Variants in CAMK1D observed in about 807,000 individuals in gnomAD.
The protein encoded by CAMK1D is calcium/calmodulin-dependent protein kinase type 1D.
In CAMK1D, 9 loss-of-function variants were observed where a neutral mutation model predicts 47.7. The observed-to-expected ratio is 0.19, with a 90% CI of 0.11 to 0.33. CAMK1D has a LOEUF of 0.33. Ranked by LOEUF, CAMK1D falls within the 10% of genes least tolerant of loss-of-function variation. The pLI, the probability that CAMK1D is intolerant of heterozygous loss-of-function variation, is 1.00. For missense variants in CAMK1D, 291 were observed against 488.7 expected (o/e 0.60, Z 3.81); for synonymous variants, 184 against 184.9 (o/e 0.99, Z 0.04).
At chr10:12,649,967 C>T (rs567220694) in intron 2 of CAMK1D, among the ~76,000 whole-genome samples, 3 of 152,298 alleles carry the variant, frequency 2.0e-5, no homozygotes, top group African/African-American at 7.2e-5. Context: ...ACGATTTCAC[C>T]GTGTTCAACT....
At chr10:12,390,896 G>C (rs1331036809) in intron 1 of CAMK1D, among the ~76,000 whole-genome samples, 1 of 151,942 alleles carries the variant, frequency 6.6e-6, no homozygotes, top group Non-Finnish European at 1.5e-5. Context: ...TCAAGCGTGC[G>C]TGAATAAGAG....
intron 1 of CAMK1D, among the ~76,000 whole-genome samples, chr10:12,468,860 G>A (rs1352298909): frequency 6.6e-6 from 1 of 152,120 alleles, no homozygotes; most frequent in East Asian, 1.9e-4. Flanking sequence ...TCCTTTCATG[G>A]GGTTGTTTTT....
chr10:12,728,837 G>T (rs527273625), intron 3 of CAMK1D, among the ~76,000 whole-genome samples: 1 of 152,188 alleles, frequency 6.6e-6, no homozygotes, highest in South Asian at 2.1e-4. Flanking sequence ...GTGTGCGCAC[G>T]CACACGTGCC....
At chr10:12,362,561 C>A (rs2724803) in intron 1 of CAMK1D, among the ~76,000 whole-genome samples, 5 of 152,114 alleles carry the variant, frequency 3.3e-5, no homozygotes, top group African/African-American at 1.2e-4. Context: ...GCAGTGGCGC[C>A]ATCTCAGCTC....
chr10:12,729,283 A>G (rs1187929752), intron 3 of CAMK1D, among the ~76,000 whole-genome samples: 1 of 152,222 alleles, frequency 6.6e-6, no homozygotes, highest in African/African-American at 2.4e-5. Flanking sequence ...TAGTACCAAT[A>G]AACATAATAA....
intron 1 of CAMK1D, among the ~76,000 whole-genome samples, chr10:12,359,319 C>T (rs748303948): frequency 1.3e-5 from 2 of 152,154 alleles, no homozygotes; most frequent in South Asian, 2.1e-4. Context: ...TATCATTTAT[C>T]CCTGCCCCTC....
At chr10:12,550,652 T>C (rs1377048997) in intron 1 of CAMK1D, among the ~76,000 whole-genome samples, 1 of 152,256 alleles carries the variant, frequency 6.6e-6, no homozygotes, top group African/African-American at 2.4e-5. Context: ...ATGATTGTTC[T>C]GGCAGGTTCT....
At chr10:12,800,175 A>G (rs1838366411) in intron 6 of CAMK1D, among the ~76,000 whole-genome samples, 1 of 152,170 alleles carries the variant, frequency 6.6e-6, no homozygotes, top group Non-Finnish European at 1.5e-5. Context: ...GGAAACGCAC[A>G]CAATCAAATA....
chr10:12,503,819 T>C (rs1336242870), intron 1 of CAMK1D, among the ~76,000 whole-genome samples: 3 of 152,196 alleles, frequency 2.0e-5, no homozygotes, highest in South Asian at 2.1e-4. Context: ...GTATTTTCCC[T>C]TGGAGTCCTG....
intron 2 of CAMK1D, among the ~76,000 whole-genome samples, chr10:12,564,956 C>G (rs116856665): frequency 6.6e-6 from 1 of 152,176 alleles, no homozygotes; most frequent in South Asian, 2.1e-4. Flanking sequence ...TGCCTGTAGT[C>G]CCAGAACTTT....
intron 1 of CAMK1D, among the ~76,000 whole-genome samples, chr10:12,488,855 C>T (rs1289693485): frequency 3.3e-5 from 5 of 152,186 alleles, no homozygotes; most frequent in Non-Finnish European, 5.9e-5. Context: ...GGCGGTGATG[C>T]GAGGGATGGG....
chr10:12,418,756 G>A (rs533378269), intron 1 of CAMK1D, among the ~76,000 whole-genome samples: 61 of 152,146 alleles, frequency 4.0e-4, no homozygotes, highest in African/African-American at 1.4e-3. Context: ...ACGAATGAAG[G>A]TATTACTAGA....
chr10:12,602,895 G>GTTATTATTATTGTTATTATTATTA (rs1838345080), intron 2 of CAMK1D, among the ~76,000 whole-genome samples: 1 of 134,396 alleles, frequency 7.4e-6, no homozygotes, highest in Non-Finnish European at 1.6e-5. Flanking sequence ...CTAACTGCTT[G>GTTATTATTATTGTTATTATTATTA]TTATTATTAT....
At chr10:12,761,319 C>T (rs1289078071) in intron 4 of CAMK1D, among the ~76,000 whole-genome samples, 2 of 152,162 alleles carry the variant, frequency 1.3e-5, no homozygotes, top group Non-Finnish European at 1.5e-5. Context: ...ATTTTTACAA[C>T]CATTATGTAG....
chr10:12,702,214 G>A (rs145505288), intron 3 of CAMK1D, among the ~76,000 whole-genome samples: 111 of 152,278 alleles, frequency 7.3e-4, no homozygotes, highest in Middle Eastern at 3.4e-3. Flanking sequence ...AACGGAAGAC[G>A]GTGGAGGACG....
At chr10:12,812,369 A>G (rs1299357568) in intron 6 of CAMK1D, among the ~76,000 whole-genome samples, 3 of 152,142 alleles carry the variant, frequency 2.0e-5, no homozygotes, top group African/African-American at 7.2e-5. Flanking sequence ...TAATCCCAGC[A>G]CTTTGGGAGG....
At chr10:12,377,154 C>A (rs1410549555) in intron 1 of CAMK1D, among the ~76,000 whole-genome samples, 1 of 152,048 alleles carries the variant, frequency 6.6e-6, no homozygotes, top group East Asian at 1.9e-4. Context: ...CCAGAGAACC[C>A]TGAGATTTTG....
intron 3 of CAMK1D, among the ~76,000 whole-genome samples, chr10:12,734,788 T>G (rs929338018): frequency 6.6e-6 from 1 of 152,038 alleles, no homozygotes; most frequent in Non-Finnish European, 1.5e-5. Flanking sequence ...TGCTTTCTCT[T>G]TCTTTGTTGT....
chr10:12,409,814 T>C (rs1291486009), intron 1 of CAMK1D, among the ~76,000 whole-genome samples: 2 of 152,226 alleles, frequency 1.3e-5, no homozygotes, highest in Non-Finnish European at 2.9e-5. Flanking sequence ...CAAAATTTTT[T>C]CATCATCCCA....
Sources: gnomAD v4.1 joint callset for allele counts (sites outside exome capture counted in the v4.1 genomes callset) on GRCh38, gnomAD v4.1.1 for gene constraint, MANE v1.5 for transcripts, NCBI Gene and HGNC (gene_info 2026-07-23, HGNC 2026-07-21) for gene names.